The following RND3 variants were observed in gnomAD, a reference collection of about 807,000 sequenced individuals.
RND3 encodes Rho family GTPase 3.
RND3 carries 8 observed loss-of-function variants against 26.5 expected under a neutral mutation model. The ratio of observed to expected loss-of-function variants is 0.30; its 90% CI spans 0.18 to 0.54. RND3 has a LOEUF of 0.54. Among genes scored for constraint, RND3 ranks in the 20% least tolerant of loss-of-function variants. The probability of loss-of-function intolerance (pLI) is 0.94; values close to 1 mark genes in which losing one functional copy is unlikely to be tolerated. For synonymous variants in RND3, 113 were observed against 113.0 expected (o/e 1.00, Z 0.00); for missense variants, 207 against 302.8 (o/e 0.68, Z 2.35).
rs905989090 is a variant in RND3 at position 150,486,349 on chromosome 2, G to A, written c.238+345C>T. 2.0e-5 allele frequency among the ~76,000 whole-genome samples: 3 copies of A among 152,146 alleles called. No individual in the cohort carries two copies. Among genetic ancestry groups the A allele is most frequent in the Admixed American group, 2.0e-4 (3 of 15,286 alleles). ...TTGAGCCGGGTGGTTCCGCCGAGGC[G>A]CACGCAGCGCCCATGCAACACCCCA... On this transcript the variant is annotated intron_variant, in intron 3 of 5. Transcript: ENST00000263895. The surrounding 1 kb of genome is among the most constrained non-coding windows in gnomAD (Gnocchi z 4.5).
chr2:150,475,852 C>G (rs908301670), intron 3 of RND3, among the ~76,000 whole-genome samples: 1 of 152,108 alleles, frequency 6.6e-6, no homozygotes, highest in African/African-American at 2.4e-5. Context: ...TGAATTAAGT[C>G]CAGGGTACCC....
chr2:150,475,458 G>A (rs1441848321), intron 3 of RND3, among the ~76,000 whole-genome samples: 5 of 152,166 alleles, frequency 3.3e-5, no homozygotes, highest in Non-Finnish European at 5.9e-5. Context: ...GGATCAATAC[G>A]TATTAACTAT....
chr2:150,476,035 G>A (rs1012895219), intron 3 of RND3, among the ~76,000 whole-genome samples: 6 of 152,184 alleles, frequency 3.9e-5, no homozygotes, highest in Non-Finnish European at 5.9e-5. Context: ...GCTTGTTTAA[G>A]AAATCATTTT....
intron 3 of RND3, among the ~76,000 whole-genome samples, chr2:150,477,293 T>A (rs187855450): frequency 4.6e-4 from 70 of 152,292 alleles, no homozygotes; most frequent in African/African-American, 1.6e-3. Flanking sequence ...GGATACGATT[T>A]GTATGATGTT....
chr2:150,477,816 GCT>G (rs563051221), intron 3 of RND3, among the ~76,000 whole-genome samples: 10 of 152,170 alleles, frequency 6.6e-5, no homozygotes, highest in Non-Finnish European at 1.5e-4. Context: ...AAACCACCGT[GCT>G]TGTGGAGGTA....
chr2:150,471,612 G>A lies in RND3; in HGVS notation c.483+15C>T. ...CTTTCTAAAATCCAGTTTTGCACAT[G>A]GGCAACATACATACCTGGTCATAGG... On this transcript the variant is annotated intron_variant, in intron 5 of 5. Coordinates refer to ENST00000263895, the MANE Select transcript of RND3 (RefSeq NM_005168.5). 3 of 1,576,830 alleles carry A rather than the reference G, an allele frequency of 1.9e-6. No individual in the cohort carries two copies. Among genetic ancestry groups the A allele is most frequent in the Non-Finnish European group, 2.6e-6 (3 of 1,164,040 alleles).
chr2:150,478,259 TAC>T (rs146155938), intron 3 of RND3, among the ~76,000 whole-genome samples: 2,917 of 152,050 alleles, frequency 0.019, 91 homozygotes, highest in African/African-American at 0.06. Flanking sequence ...TGTGTAACTT[TAC>T]AGTGTTTACT....
At chr2:150,470,272 TAA>T in intron 5 of RND3, 34 bp from the exon 6 acceptor site, 1 of 1,599,090 alleles carries the variant, frequency 6.3e-7, no homozygotes, top group Non-Finnish European at 8.5e-7. Flanking sequence ...TAACCAGCAA[TAA>T]GACTTTGGGG....
chr2:150,472,469 G>A (rs1573952701), intron 4 of RND3, among the ~76,000 whole-genome samples: 1 of 152,148 alleles, frequency 6.6e-6, no homozygotes, highest in Non-Finnish European at 1.5e-5. Context: ...GTTGTTTCAT[G>A]ATCTAACAAG....
intron 3 of RND3, chr2:150,485,162 C>T (rs1319477737): frequency 6.6e-6 from 1 of 152,308 alleles, no homozygotes; most frequent in Non-Finnish European, 1.5e-5. Context: ...TTCTGCTGCC[C>T]TTGGAACGGC....
intron 3 of RND3, among the ~76,000 whole-genome samples, chr2:150,483,688 T>C (rs1385376361): frequency 6.6e-6 from 1 of 152,236 alleles, no homozygotes; most frequent in African/African-American, 2.4e-5. Flanking sequence ...TTAAAGATCC[T>C]TGAAATAATT....
intron 3 of RND3, among the ~76,000 whole-genome samples, chr2:150,477,562 G>A (rs1686189334): frequency 6.6e-6 from 1 of 152,010 alleles, no homozygotes; most frequent in Admixed American, 6.6e-5. Context: ...AAGGAGATCT[G>A]GCTTTGTGCT....
intron 4 of RND3, 87 bp from the exon 5 acceptor site, chr2:150,471,848 G>A: frequency 9.0e-7 from 1 of 1,108,844 alleles, no homozygotes; most frequent in Non-Finnish European, 1.3e-6. Flanking sequence ...GCTGACATTA[G>A]AATGAAACTC....
chr2:150,478,431 G>A (rs993299989), intron 3 of RND3, among the ~76,000 whole-genome samples: 2 of 151,800 alleles, frequency 1.3e-5, no homozygotes, highest in Non-Finnish European at 2.9e-5. Context: ...TTCCAGAAAT[G>A]ACTCTGTGAA....
chr2:150,479,327 T>C (rs1686232637), intron 3 of RND3, among the ~76,000 whole-genome samples: 1 of 152,124 alleles, frequency 6.6e-6, no homozygotes, highest in Non-Finnish European at 1.5e-5. Context: ...TATATGTACA[T>C]AATTAAATGT....
Position 150,469,673 on chromosome 2 carries a change from C to A in RND3, c.*314G>T. On this transcript the variant is annotated 3_prime_UTR_variant, in exon 6 of 6. Coordinates refer to ENST00000263895, the MANE Select transcript of RND3 (RefSeq NM_005168.5). ...AAAAAAAACCCAAAAATGCAAGCAC[C>A]ATTCAGAGTGTGATTTTTCTTCTTG... is the stretch of plus-strand genomic sequence containing the variant. The A allele has an allele frequency of 1.7e-5, 5 of 293,820 alleles. No individual in the cohort carries two copies. Among genetic ancestry groups the A allele is most frequent in the Non-Finnish European group, 3.2e-5 (5 of 158,716 alleles). 18.2% of individuals were successfully genotyped at this position (293,820 alleles called of 1,614,324 possible).
At chr2:150,480,669 T>A (rs1686256495) in intron 3 of RND3, among the ~76,000 whole-genome samples, 2 of 145,514 alleles carry the variant, frequency 1.4e-5, no homozygotes, top group Admixed American at 1.4e-4. Context: ...AAAAAAAAAA[T>A]CTACAGACAG....
intron 4 of RND3, among the ~76,000 whole-genome samples, chr2:150,473,538 G>A (rs1686118427): frequency 6.6e-6 from 1 of 152,140 alleles, no homozygotes; most frequent in Non-Finnish European, 1.5e-5. Context: ...TTAAAGACAG[G>A]AAAGGTGTAT....
chr2:150,475,212 A>T lies in RND3; in HGVS notation c.239-228T>A, dbSNP rs1261743119. 1.2e-5 allele frequency: 5 copies of T among 406,182 alleles called. No homozygotes were observed. In the East Asian group the frequency reaches 2.5e-4, roughly 20 times the overall value. The allele number at this position is 406,182 out of a possible 1,614,324, so 25.2% of individuals were successfully genotyped here. On this transcript the variant is annotated intron_variant, in intron 3 of 5. Transcript: ENST00000263895. Reference sequence around the variant, plus strand: ...ACATAAATTCAAGAAGAGGGCCAGGATCTTAAGTGAAATCTGTATGGTTCA... The same window carrying T: ...ACATAAATTCAAGAAGAGGGCCAGGTTCTTAAGTGAAATCTGTATGGTTCA...
Sources: gnomAD v4.1 joint callset for allele counts (sites outside exome capture counted in the v4.1 genomes callset) on GRCh38, gnomAD v4.1.1 for gene constraint, Gnocchi (gnomAD v3.1) non-coding constraint, MANE v1.5 for transcripts, NCBI Gene and HGNC (gene_info 2026-07-23, HGNC 2026-07-21) for gene names.